PCDH11Y: variants seen among roughly 807,000 people sequenced by gnomAD.
PCDH11Y encodes protocadherin-11 Y-linked.
For synonymous variants in PCDH11Y, 9 were observed against 83.6 expected, an observed-to-expected ratio of 0.11 and a Z score of 4.87; for missense variants, 12 against 224.8, an observed-to-expected ratio of 0.05 and a Z score of 6.05.
intron 1 of PCDH11Y, among the ~76,000 whole-genome samples, chrY:5,078,692 A>G: frequency 3.0e-5 from 1 of 32,956 alleles, no homozygotes; most frequent in Non-Finnish European, 7.5e-5. Context: ...AAATGCTTCC[A>G]TGATTCAATT....
chrY:5,339,336 A>G, intron 2 of PCDH11Y, among the ~76,000 whole-genome samples: 1 of 28,745 alleles, frequency 3.5e-5, no homozygotes, highest in Non-Finnish European at 8.2e-5. Context: ...CCATTTATTT[A>G]TTTATTTATT....
At chrY:5,192,292 C>G (rs2124648491) in intron 2 of PCDH11Y, among the ~76,000 whole-genome samples, 1 of 31,305 alleles carries the variant, frequency 3.2e-5, no homozygotes, top group East Asian at 8.5e-4. Context: ...GAAATATTTC[C>G]TTGTTTCCAA....
intron 4 of PCDH11Y, among the ~76,000 whole-genome samples, chrY:5,700,018 C>A (rs2124711779): frequency 3.1e-5 from 1 of 32,239 alleles, no homozygotes; most frequent in South Asian, 7.4e-4. Context: ...ATGCCAACAA[C>A]CTAGTCAGTC....
intron 4 of PCDH11Y, among the ~76,000 whole-genome samples, chrY:5,709,178 G>A (rs2124712850): frequency 6.9e-5 from 2 of 28,982 alleles, no homozygotes; most frequent in South Asian, 8.5e-4. Flanking sequence ...CTATGATTTC[G>A]TTTCCACCCC....
chrY:5,001,867 G>C, intron 1 of PCDH11Y, among the ~76,000 whole-genome samples: 1 of 33,594 alleles, frequency 3.0e-5, no homozygotes, highest in South Asian at 6.6e-4. Context: ...GCTTCAGAAT[G>C]ATTTATTCCG....
At position 5,098,594 on chromosome Y, in the gene PCDH11Y, G is replaced by GA. The variant is rs2052758996; in HGVS notation, c.1017dup (p.Leu340ThrfsTer10). ...TTATTTCACCTCAATGCCACCACTGGACTTATCACAATCAAAGAACCACTG... is the reference window on the plus strand; with the variant it reads ...TTATTTCACCTCAATGCCACCACTGGAACTTATCACAATCAAAGAACCACTG... On this transcript the variant is annotated frameshift_variant, in exon 2 of 2. Coordinates refer to ENST00000215473, the Ensembl canonical transcript of PCDH11Y. LOFTEE classifies it high-confidence loss of function. 1 of 276,169 alleles carries GA rather than the reference G, an allele frequency of 3.6e-6. No individual in the cohort carries two copies. The highest frequency in any genetic ancestry group is 5.3e-6 in the Non-Finnish European group (1 of 188,883). 68.9% of individuals were successfully genotyped at this position (276,169 alleles called of 400,897 possible).
At chrY:5,708,322 A>C (rs2053584348) in intron 4 of PCDH11Y, among the ~76,000 whole-genome samples, 1 of 33,422 alleles carries the variant, frequency 3.0e-5, no homozygotes, top group Non-Finnish European at 7.4e-5. Context: ...CTGACTAGGA[A>C]TAGTAAATGC....
chrY:5,621,915 T>C (rs1602952855), intron 4 of PCDH11Y, among the ~76,000 whole-genome samples: 1 of 32,771 alleles, frequency 3.1e-5, no homozygotes, highest in Non-Finnish European at 7.5e-5. Context: ...TAAATGTAAA[T>C]CCCACAACTA....
At chrY:5,262,456 G>GT (rs781274143) in intron 2 of PCDH11Y, among the ~76,000 whole-genome samples, 37 of 13,028 alleles carry the variant, frequency 2.8e-3, no homozygotes, top group Middle Eastern at 0.03. Context: ...TGTTTGTGGG[G>GT]TTTTTTTTTT....
intron 3 of PCDH11Y, among the ~76,000 whole-genome samples, chrY:5,039,685 G>T: frequency 3.0e-5 from 1 of 33,641 alleles, no homozygotes; most frequent in South Asian, 6.4e-4. Flanking sequence ...CTAATCAAAA[G>T]AATGGTGCCT....
At position 5,437,770 on chromosome Y, in the gene PCDH11Y, G is replaced by A; in HGVS notation, c.3130-63287G>A. Reference sequence around the variant, plus strand: ...AGTTACATATTTATACATGTGCCATGATGGTGCGCTGCACCCACAGATACT... The same window carrying A: ...AGTTACATATTTATACATGTGCCATAATGGTGCGCTGCACCCACAGATACT... On this transcript the variant is annotated intron_variant, in intron 2 of 4. Transcript: ENST00000400457. 2.4e-4 allele frequency among the ~76,000 whole-genome samples: 8 copies of A among 33,213 alleles called. No individual in the cohort carries two copies. The Middle Eastern group carries it at 0.11, about 474-fold the overall frequency. 89.1% of individuals were successfully genotyped at this position (33,213 alleles called of 37,273 possible).
chrY:5,076,926 AG>A (rs2052710590), intron 1 of PCDH11Y, among the ~76,000 whole-genome samples: 1 of 33,062 alleles, frequency 3.0e-5, no homozygotes, highest in Non-Finnish European at 7.5e-5. Context: ...TACAAATCTG[AG>A]GATTTTTTTT....
chrY:5,150,501 C>T (rs2052863158), intron 2 of PCDH11Y, among the ~76,000 whole-genome samples: 2 of 32,912 alleles, frequency 6.1e-5, no homozygotes, highest in Non-Finnish European at 1.5e-4. Context: ...ATTCTACTCT[C>T]TACTTCTATG....
At chrY:5,317,157 A>T in intron 2 of PCDH11Y, among the ~76,000 whole-genome samples, 1 of 32,841 alleles carries the variant, frequency 3.0e-5, no homozygotes, top group Non-Finnish European at 7.4e-5. Flanking sequence ...CAAAAGCAGG[A>T]TGACTCCAGG....
intron 4 of PCDH11Y, among the ~76,000 whole-genome samples, chrY:5,675,805 C>T: frequency 1.5e-4 from 5 of 33,702 alleles, no homozygotes; most frequent in Non-Finnish European, 7.3e-5. Flanking sequence ...GGCTGGTCCA[C>T]GCCTGTGGCT....
intron 2 of PCDH11Y, among the ~76,000 whole-genome samples, chrY:5,442,187 A>C: frequency 3.2e-5 from 1 of 31,106 alleles, no homozygotes; most frequent in Non-Finnish European, 7.8e-5. Flanking sequence ...AACAACAAAG[A>C]AACCAAACAA....
intron 2 of PCDH11Y, among the ~76,000 whole-genome samples, chrY:5,280,648 G>A (rs2053052624): frequency 3.1e-5 from 1 of 31,957 alleles, no homozygotes; most frequent in African/African-American, 1.2e-4. Flanking sequence ...TTTCTGTGTC[G>A]AATGGTATTT....
intron 2 of PCDH11Y, among the ~76,000 whole-genome samples, chrY:5,341,853 G>A: frequency 3.3e-5 from 1 of 30,109 alleles, no homozygotes; most frequent in Non-Finnish European, 7.8e-5. Flanking sequence ...CTACTTGGGA[G>A]GCTGAGGCAG....
chrY:5,190,964 G>C, intron 2 of PCDH11Y, among the ~76,000 whole-genome samples: 2 of 33,086 alleles, frequency 6.0e-5, no homozygotes, highest in African/African-American at 2.4e-4. Context: ...AGTTTCAAGA[G>C]AATGAATTTC....
Sources: allele counts gnomAD v4.1 joint callset (sites outside exome capture counted in the v4.1 genomes callset), GRCh38; gene constraint gnomAD v4.1.1; transcripts MANE v1.5; gene names NCBI Gene and HGNC (gene_info 2026-07-23, HGNC 2026-07-21).